WWOX: variants seen among roughly 807,000 people sequenced by gnomAD.
WWOX encodes the protein WW domain-containing oxidoreductase.
In WWOX, 69 loss-of-function variants were observed where a neutral mutation model predicts 46.2. That is an observed-to-expected ratio of 1.49 (90% CI 1.23 to 1.82). The LOEUF (loss-of-function observed/expected upper bound fraction) is 1.82. WWOX is among the 40% of genes most tolerant of loss of function. The pLI is 0.00. For synonymous variants in WWOX, 359 were observed against 202.6 expected (o/e 1.77, Z -6.56); for missense variants, 919 against 542.6 (o/e 1.69, Z -6.89).
chr16:78,194,013 G>A (rs1220712722), intron 5 of WWOX, among the ~76,000 whole-genome samples: 2 of 151,060 alleles, frequency 1.3e-5, no homozygotes, highest in Non-Finnish European at 3.0e-5. Flanking sequence ...AAGTAGCTGG[G>A]ACTACAGGCG....
rs75599975 is a variant in WWOX, at chr16:78,490,609, A to C, written c.1056+57857A>C. On this transcript the variant is annotated intron_variant, in intron 8 of 8. Transcript: ENST00000566780. ...GCATTTTGATGTGGCCCAGAGACCA[A>C]ATGAAACAAACGATCCTCTGATTGC... Among the ~76,000 whole-genome samples the C allele has an allele frequency of 3.2e-3, 487 of 152,302 alleles. 3 individuals carry two copies. Among genetic ancestry groups the C allele is most frequent in the African/African-American group, 0.011 (463 of 41,568 alleles).
At chr16:79,115,271 T>C (rs536040494) in intron 8 of WWOX, among the ~76,000 whole-genome samples, 38 of 152,342 alleles carry the variant, frequency 2.5e-4, no homozygotes, top group African/African-American at 8.4e-4. Context: ...TAGGGATGCA[T>C]GTAGCCTGTC....
intron 8 of WWOX, among the ~76,000 whole-genome samples, chr16:78,733,881 C>T (rs117763604): frequency 3.3e-5 from 5 of 152,164 alleles, no homozygotes; most frequent in East Asian, 1.9e-4. Flanking sequence ...ACCTGGACAA[C>T]GTACAGAGAC....
chr16:78,664,970 T>G (rs1418432089), intron 8 of WWOX, among the ~76,000 whole-genome samples: 1 of 152,162 alleles, frequency 6.6e-6, no homozygotes, highest in Non-Finnish European at 1.5e-5. Context: ...ACAATGAACT[T>G]GGGAAGGTTT....
intron 6 of WWOX, among the ~76,000 whole-genome samples, chr16:78,398,382 C>T (rs78205406): frequency 0.016 from 2,430 of 152,240 alleles, 34 homozygotes; most frequent in Middle Eastern, 0.054. Flanking sequence ...CCCACTTGTC[C>T]ATCATCATGT....
chr16:78,993,814 G>A (rs937047098), intron 8 of WWOX, among the ~76,000 whole-genome samples: 5 of 152,198 alleles, frequency 3.3e-5, no homozygotes, highest in African/African-American at 4.8e-5. Flanking sequence ...GATGGCATCG[G>A]AACCTGCAAG....
chr16:78,143,853 T>G (rs2034074071), intron 4 of WWOX, among the ~76,000 whole-genome samples: 1 of 150,786 alleles, frequency 6.6e-6, no homozygotes, highest in Non-Finnish European at 1.5e-5. Flanking sequence ...GCTCAGAACT[T>G]TAAACATTAA....
intron 8 of WWOX, among the ~76,000 whole-genome samples, chr16:78,983,890 T>TTTTG (rs2046732859): frequency 1.4e-5 from 2 of 145,422 alleles, no homozygotes; most frequent in Admixed American, 7.0e-5. Context: ...TTTTTTTTTT[T>TTTTG]TTTGTGAGAT....
chr16:78,907,681 A>G (rs1454193210), intron 8 of WWOX, among the ~76,000 whole-genome samples: 1 of 152,196 alleles, frequency 6.6e-6, no homozygotes, highest in African/African-American at 2.4e-5. Context: ...AGTTTTAATA[A>G]CTGCTATTTA....
intron 8 of WWOX, among the ~76,000 whole-genome samples, chr16:78,611,710 C>T (rs531030587): frequency 9.2e-5 from 14 of 152,332 alleles, no homozygotes; most frequent in Admixed American, 6.5e-4. Flanking sequence ...TTCAGCAACT[C>T]ATATATTTCT....
intron 7 of WWOX, among the ~76,000 whole-genome samples, chr16:78,427,538 G>A (rs189111873): frequency 2.0e-5 from 3 of 151,354 alleles, no homozygotes; most frequent in Non-Finnish European, 4.4e-5. Context: ...ATACACGCAC[G>A]CACGCACACA....
intron 8 of WWOX, among the ~76,000 whole-genome samples, chr16:79,186,837 C>T (rs1276866614): frequency 6.6e-6 from 1 of 152,046 alleles, no homozygotes; most frequent in Non-Finnish European, 1.5e-5. Flanking sequence ...CATTTCTCAC[C>T]TTTTCTCCTT....
chr16:78,302,128 C>G (rs1267834842), intron 5 of WWOX, among the ~76,000 whole-genome samples: 4 of 151,672 alleles, frequency 2.6e-5, no homozygotes, highest in Non-Finnish European at 5.9e-5. Context: ...GCCCGGCTAA[C>G]TTTTGTATTT....
chr16:78,689,461 CAG>C (rs1262312156), intron 8 of WWOX, among the ~76,000 whole-genome samples: 1 of 152,202 alleles, frequency 6.6e-6, no homozygotes, highest in Non-Finnish European at 1.5e-5. Flanking sequence ...CTCAGCTCCT[CAG>C]AGCCCACTTC....
intron 8 of WWOX, among the ~76,000 whole-genome samples, chr16:79,062,133 C>G (rs1417062463): frequency 6.6e-6 from 1 of 152,110 alleles, no homozygotes; most frequent in Non-Finnish European, 1.5e-5. Context: ...ACTGGCCACC[C>G]CAGACTGAAG....
intron 8 of WWOX, among the ~76,000 whole-genome samples, chr16:78,652,263 G>T (rs2046982032): frequency 6.7e-6 from 1 of 148,974 alleles, no homozygotes; most frequent in South Asian, 2.1e-4. Flanking sequence ...CCAAAAATTA[G>T]CTGGGCGTGG....
At chr16:78,623,551 A>G (rs1193435454) in intron 8 of WWOX, among the ~76,000 whole-genome samples, 1 of 152,008 alleles carries the variant, frequency 6.6e-6, no homozygotes, top group African/African-American at 2.4e-5. Flanking sequence ...ATGGTGGCGC[A>G]TGCTTGTAGT....
At chr16:79,181,007 T>G (rs1167722682) in intron 8 of WWOX, among the ~76,000 whole-genome samples, 2 of 152,328 alleles carry the variant, frequency 1.3e-5, no homozygotes, top group African/African-American at 4.8e-5. Context: ...CGTATTAGAT[T>G]TTTTACATTA....
intron 8 of WWOX, among the ~76,000 whole-genome samples, chr16:79,095,021 T>C (rs1189432489): frequency 2.0e-5 from 3 of 152,182 alleles, no homozygotes; most frequent in Non-Finnish European, 2.9e-5. Context: ...CTAAGTCCCT[T>C]TGAGGTGATT....
Sources: gnomAD v4.1 joint callset for allele counts (sites outside exome capture counted in the v4.1 genomes callset) on GRCh38, gnomAD v4.1.1 for gene constraint, MANE v1.5 for transcripts, NCBI Gene and HGNC (gene_info 2026-07-23, HGNC 2026-07-21) for gene names.